Variants in RNF212B observed in about 807,000 individuals in gnomAD.
RNF212B encodes the protein E3 ubiquitin-protein ligase RNF212B.
RNF212B carries 52 observed loss-of-function variants against 55.5 expected under a neutral mutation model. That is an observed-to-expected ratio of 0.94 (90% confidence interval 0.75 to 1.18). The LOEUF (loss-of-function observed/expected upper bound fraction) is 1.18. Ranked by LOEUF, RNF212B falls within the 50% of genes most tolerant of loss-of-function variation. The pLI is 0.00. For missense variants in RNF212B, 289 were observed against 350.4 expected (o/e 0.82, Z 1.40); for synonymous variants, 99 against 121.4 (o/e 0.82, Z 1.21).
intron 9 of RNF212B, among the ~76,000 whole-genome samples, chr14:23,263,858 C>T (rs749891528): frequency 6.6e-6 from 1 of 152,068 alleles, no homozygotes; most frequent in African/African-American, 2.4e-5. Flanking sequence ...GAGGCTGAGG[C>T]GAGTGGATCA....
Position 23,258,113 on chromosome 14 carries a change from T to G in RNF212B, c.229-436T>G, listed in dbSNP as rs574304373. ...CAACACTTTGGGAGGCTGAGGTGGG[T>G]AGATCACCTGAGGTCGGAAGTTCAA... is the stretch of plus-strand genomic sequence containing the variant. On this transcript the variant is annotated intron_variant, in intron 4 of 14. Transcript: ENST00000430154. Among the ~76,000 whole-genome samples, 5 of 151,984 alleles carry G rather than the reference T, an allele frequency of 3.3e-5. No homozygotes were observed. The East Asian group carries it at 9.7e-4, about 29-fold the overall frequency.
intron 2 of RNF212B, among the ~76,000 whole-genome samples, chr14:23,199,516 T>C (rs1240934010): frequency 6.6e-6 from 1 of 152,192 alleles, no homozygotes; most frequent in Non-Finnish European, 1.5e-5. Flanking sequence ...TTTAATTTCC[T>C]TTCATATTTC....
intron 1 of RNF212B, among the ~76,000 whole-genome samples, chr14:23,191,531 G>C (rs1023599214): frequency 6.6e-6 from 1 of 152,020 alleles, no homozygotes; most frequent in Non-Finnish European, 1.5e-5. Context: ...AGGGGGTAAT[G>C]ATATTACAGT....
chr14:23,192,087 A>G (rs10782428), intron 1 of RNF212B, among the ~76,000 whole-genome samples: 148,495 of 150,518 alleles, frequency 0.99, 73,276 homozygotes, highest in East Asian at 1. Context: ...CACTGTTGGT[A>G]GGACTGTAAA....
intron 7 of RNF212B, among the ~76,000 whole-genome samples, chr14:23,261,976 C>CAAACA (rs1259848177): frequency 7.3e-5 from 11 of 151,554 alleles, no homozygotes; most frequent in African/African-American, 2.2e-4. Context: ...TCAAAACAAA[C>CAAACA]AAAAAAACAG....
intron 1 of RNF212B, among the ~76,000 whole-genome samples, chr14:23,189,524 C>T (rs986978829): frequency 2.6e-5 from 4 of 152,098 alleles, no homozygotes; most frequent in Non-Finnish European, 5.9e-5. Context: ...ACAAACAGGC[C>T]GGACTGGGTG....
At position 23,273,028 on chromosome 14, in the gene RNF212B, T is replaced by A; in HGVS notation, c.*137T>A. 1 of 550,724 alleles carries A rather than the reference T, an allele frequency of 1.8e-6. No individual in the cohort carries two copies. The highest frequency in any genetic ancestry group is 3.2e-6 in the Non-Finnish European group (1 of 314,904). 34.1% of individuals were successfully genotyped at this position (550,724 alleles called of 1,614,324 possible). On this transcript the variant is annotated 3_prime_UTR_variant, in exon 15 of 15. Coordinates refer to ENST00000430154, the MANE Select transcript of RNF212B (RefSeq NM_001282322.3). The stretch of plus-strand genomic sequence containing the variant: ...CACTCTGTACCTTATGCTCCCCCCA[T>A]CTTTACCCTATTCACCCTTATCACC...
At chr14:23,254,349 CTAAAACT>C (rs1884646167) in intron 4 of RNF212B, among the ~76,000 whole-genome samples, 1 of 149,098 alleles carries the variant, frequency 6.7e-6, no homozygotes, top group Non-Finnish European at 1.5e-5. Flanking sequence ...AAAACTAAAA[CTAAAACT>C]GGGCATGGTG....
chr14:23,257,710 T>C (rs541294668), intron 4 of RNF212B, among the ~76,000 whole-genome samples: 187 of 152,288 alleles, frequency 1.2e-3, no homozygotes, highest in Middle Eastern at 3.4e-3. Flanking sequence ...CACATTAGTA[T>C]AGCAAATGGT....
At chr14:23,256,789 C>A (rs1884864805) in intron 4 of RNF212B, among the ~76,000 whole-genome samples, 1 of 152,218 alleles carries the variant, frequency 6.6e-6, no homozygotes, top group Non-Finnish European at 1.5e-5. Context: ...TGGGTTCAAG[C>A]AATCCACCCA....
At chr14:23,216,669 T>C (rs4981462) in intron 2 of RNF212B, among the ~76,000 whole-genome samples, 129,992 of 151,796 alleles carry the variant, frequency 0.86, 55,966 homozygotes, top group African/African-American at 0.94. Context: ...TGCTTGAGCT[T>C]AGGAGTTCAA....
upstream of RNF212B, among the ~76,000 whole-genome samples, chr14:23,233,667 G>A (rs1008499392): frequency 6.6e-6 from 1 of 150,422 alleles, no homozygotes; most frequent in Non-Finnish European, 1.5e-5. Context: ...ATTCGGGCCT[G>A]GGAGGTTGAG....
At chr14:23,209,356 T>C (rs1429374995) in intron 2 of RNF212B, among the ~76,000 whole-genome samples, 1 of 152,192 alleles carries the variant, frequency 6.6e-6, no homozygotes, top group Admixed American at 6.5e-5. Flanking sequence ...GCCTTAACCA[T>C]CTGGGAATGC....
chr14:23,235,664 A>C (rs1883044354), upstream of RNF212B, among the ~76,000 whole-genome samples: 1 of 152,222 alleles, frequency 6.6e-6, no homozygotes, highest in South Asian at 2.1e-4. Flanking sequence ...ACCTGATGAG[A>C]TAGATAGTGA....
intron 2 of RNF212B, among the ~76,000 whole-genome samples, chr14:23,232,129 C>T (rs545019704): frequency 1.2e-4 from 18 of 151,806 alleles, no homozygotes; most frequent in Admixed American, 3.3e-4. Flanking sequence ...AGGAGCCCCT[C>T]TGCCCGGCTG....
intron 1 of RNF212B, among the ~76,000 whole-genome samples, chr14:23,186,936 T>C (rs1471935857): frequency 6.6e-6 from 1 of 152,224 alleles, no homozygotes; most frequent in African/African-American, 2.4e-5. Context: ...AGGGAAACTC[T>C]GTGTTTTTGC....
chr14:23,244,368 C>T lies in RNF212B; in HGVS notation c.200C>T (p.Ala67Val). The change falls in exon 4 of 15, where the codon GCT becomes GTT. Residue 67 changes from alanine (A) to valine (V), a missense_variant. Transcript: ENST00000430154. ...TTTTTCAAAAGTCCTGTGGAGACAG[C>T]TTTGCAGTATTTTAGTCACATCTCT... is the stretch of plus-strand genomic sequence containing the variant. ...KMFFKSPVET[A>V]LQYFSHISQV... 3.2e-6 allele frequency: 5 copies of T among 1,546,504 alleles called. No homozygotes were observed. The highest frequency in any genetic ancestry group is 4.4e-6 in the Non-Finnish European group (5 of 1,145,462).
intron 4 of RNF212B, among the ~76,000 whole-genome samples, chr14:23,256,867 T>G (rs981879307): frequency 8.5e-5 from 13 of 152,122 alleles, no homozygotes; most frequent in Admixed American, 1.3e-4. Flanking sequence ...TTTTAAATTA[T>G]TTTTTGGCCG....
intron 4 of RNF212B, among the ~76,000 whole-genome samples, chr14:23,250,313 T>C (rs1480924521): frequency 1.3e-5 from 2 of 151,918 alleles, no homozygotes; most frequent in Admixed American, 6.6e-5. Context: ...ACCCTGTCTC[T>C]ACTAAAAATA....
Sources: allele counts gnomAD v4.1 joint callset (sites outside exome capture counted in the v4.1 genomes callset), GRCh38; gene constraint gnomAD v4.1.1; transcripts MANE v1.5; gene names NCBI Gene and HGNC (gene_info 2026-07-23, HGNC 2026-07-21).